The following ANKRD40 variants were observed in gnomAD, a reference collection of about 807,000 sequenced individuals.
ANKRD40 encodes ankyrin repeat domain-containing protein 40.
ANKRD40 carries 24 observed loss-of-function variants against 35.5 expected under a neutral mutation model. That is an observed-to-expected ratio of 0.68 (90% CI 0.49 to 0.95). The LOEUF (loss-of-function observed/expected upper bound fraction) is 0.95, where lower values mean the gene tolerates loss of function less well. Among genes scored for constraint, ANKRD40 ranks in the 40% least tolerant of loss-of-function variants. ANKRD40 has a pLI of 0.00. For synonymous variants in ANKRD40, 147 were observed against 173.5 expected (o/e 0.85, Z 1.20); for missense variants, 361 against 436.0 (o/e 0.83, Z 1.53).
chr17:50,693,860 G>A lies in ANKRD40; in HGVS notation c.*2137C>T, dbSNP rs1037461819. The stretch of plus-strand genomic sequence containing the variant: ...AAACACAAGGGAGGGGCTGGGCCGG[G>A]TGGCTCACACCTGTAATCGGAGCAC... On this transcript the variant is annotated 3_prime_UTR_variant, in exon 5 of 5. Coordinates refer to ENST00000285243, the MANE Select transcript of ANKRD40 (RefSeq NM_052855.4). 2.6e-5 allele frequency: 4 copies of A among 152,118 alleles called. No individual in the cohort carries two copies. The highest frequency in any genetic ancestry group is 5.9e-5 in the Non-Finnish European group (4 of 68,046). 9.4% of individuals were successfully genotyped at this position (152,118 alleles called of 1,614,324 possible). A position where few individuals can be genotyped will look rare whatever the true frequency, so the allele number is the denominator to read the frequency against.
Position 50,707,476 on chromosome 17 carries a change from C to A in ANKRD40, c.134+45G>T. ...GTCGCGACTGACTGCCCCACGCCTT[C>A]CGACCGGCTGCCCTGACCCTAGGCC... On this transcript the variant is annotated intron_variant, in intron 1 of 4. Transcript: ENST00000285243. This position sits in a 1 kb window ranked among gnomAD's most constrained non-coding sequence, Gnocchi z 4.8. 1 of 1,583,094 alleles carries A rather than the reference C, an allele frequency of 6.3e-7. No individual in the cohort carries two copies. The highest frequency in any genetic ancestry group is 8.6e-7 in the Non-Finnish European group (1 of 1,165,344).
Position 50,707,594 on chromosome 17 carries a change from C to G in ANKRD40, c.61G>C (p.Gly21Arg). 6.2e-7 allele frequency: 1 copy of G among 1,605,716 alleles called. No individual in the cohort carries two copies. ...AGTTTCTGCACCTCCCGAATGTCCC[C>G]TAAGGCCGCGGCCTCCCGCAGCCTC... is the stretch of plus-strand genomic sequence containing the variant. ...QERLREAAAL[G>R]DIREVQKLVE... Residue 21 changes from glycine to arginine, a missense_variant, in exon 1 of 5, where the codon GGG (glycine) becomes CGG (arginine). Gly to Arg is a moderately radical substitution (Grantham distance 125). Coordinates refer to ENST00000285243, the MANE Select transcript of ANKRD40 (RefSeq NM_052855.4). This position sits in a 1 kb window ranked among gnomAD's most constrained non-coding sequence, Gnocchi z 4.8.
At position 50,695,171 on chromosome 17, in the gene ANKRD40, A is replaced by G. The variant is rs1968182258; in HGVS notation, c.*826T>C. On this transcript the variant is annotated 3_prime_UTR_variant, in exon 5 of 5. Transcript: ENST00000285243. ...CATCACTTAAGGCCAGAAGTTTGAG[A>G]CCAGCCTGGGCCACATAGTGAGACC... is the stretch of plus-strand genomic sequence containing the variant. The G allele has an allele frequency of 7.5e-6, 1 of 133,892 alleles. No individual in the cohort carries two copies. The highest frequency in any genetic ancestry group is 1.6e-5 in the Non-Finnish European group (1 of 63,976). The allele number at this position is 133,892 out of a possible 1,614,324, so 8.3% of individuals were successfully genotyped here.
intron 2 of ANKRD40, 198 bp downstream of exon 2, chr17:50,700,370 G>A: frequency 2.1e-6 from 1 of 478,380 alleles, no homozygotes; most frequent in Non-Finnish European, 3.6e-6. Flanking sequence ...TTGAACCTGG[G>A]AGGCAGAGGT....
rs1352404807 is a variant in ANKRD40, at chr17:50,693,634, G to C, written c.*2363C>G. On this transcript the variant is annotated 3_prime_UTR_variant, in exon 5 of 5. Transcript: ENST00000285243. Reference sequence around the variant, plus strand: ...CTGCTCCTCTGGAGGCCATCTCCCAGCCAGGGGCTCCACTGCTCCACTTTA... The same window carrying C: ...CTGCTCCTCTGGAGGCCATCTCCCACCCAGGGGCTCCACTGCTCCACTTTA... The C allele has an allele frequency of 6.6e-6, 1 of 152,244 alleles. No individual in the cohort carries two copies. Among genetic ancestry groups the C allele is most frequent in the Admixed American group, 6.5e-5 (1 of 15,286 alleles). The allele number at this position is 152,244 out of a possible 1,614,324, so 9.4% of individuals were successfully genotyped here. A position where few individuals can be genotyped will look rare whatever the true frequency, so the allele number is the denominator to read the frequency against.
At position 50,700,062 on chromosome 17, in the gene ANKRD40, T is replaced by C. The variant is rs569194211; in HGVS notation, c.284-169A>G. Among the ~76,000 whole-genome samples, 3 of 152,262 alleles carry C rather than the reference T, an allele frequency of 2.0e-5. No homozygotes were observed. The South Asian group carries it at 6.2e-4, about 32-fold the overall frequency. ...TACCATTTTTATCATTATCTTAAAT[T>C]TTACAAATAAAAAAATAAAACCTTA... On this transcript the variant is annotated intron_variant, in intron 2 of 4. Transcript: ENST00000285243.
rs140413404 is a variant in ANKRD40 at position 50,702,203 on chromosome 17, G to A, written c.135-1487C>T. Among the ~76,000 whole-genome samples, 19 of 152,284 alleles carry A rather than the reference G, an allele frequency of 1.2e-4. No individual in the cohort carries two copies. In the East Asian group the frequency reaches 3.1e-3, roughly 25 times the overall value. ...GTGGATCACTTTAGGTCGGGAGTTTGAGACCAGCCTGCCCAATAGGGTGAA... is the reference window on the plus strand; with the variant it reads ...GTGGATCACTTTAGGTCGGGAGTTTAAGACCAGCCTGCCCAATAGGGTGAA... On this transcript the variant is annotated intron_variant, in intron 1 of 4. Coordinates refer to ENST00000285243, the MANE Select transcript of ANKRD40 (RefSeq NM_052855.4).
At chr17:50,700,035 AT>A in intron 2 of ANKRD40, 142 bp from the exon 3 acceptor site, 1 of 757,440 alleles carries the variant, frequency 1.3e-6, no homozygotes, top group Non-Finnish European at 1.9e-6. Context: ...TAGGTTTATG[AT>A]TACCATTTTT....
chr17:50,703,697 A>G (rs959917890), intron 1 of ANKRD40, among the ~76,000 whole-genome samples: 1 of 152,188 alleles, frequency 6.6e-6, no homozygotes, highest in East Asian at 1.9e-4. Flanking sequence ...GGCAAATCCC[A>G]TGAGATTAGC....
chr17:50,707,749 C>T lies in ANKRD40; in HGVS notation c.-95G>A. 4 of 954,756 alleles carry T rather than the reference C, an allele frequency of 4.2e-6. No homozygotes were observed. The highest frequency in any genetic ancestry group is 5.2e-6 in the Non-Finnish European group (4 of 769,406). The allele number at this position is 954,756 out of a possible 1,614,324, so 59.1% of individuals were successfully genotyped here. A position where few individuals can be genotyped will look rare whatever the true frequency, so the allele number is the denominator to read the frequency against. On this transcript the variant is annotated 5_prime_UTR_variant, in exon 1 of 5. It removes an upstream start codon present in the reference 5' UTR. Transcript: ENST00000285243. This position sits in a 1 kb window ranked among gnomAD's most constrained non-coding sequence, Gnocchi z 4.8. ...GCCGTCGCCGCGGCCCGCTCCCGGC[C>T]ATGGGGAGGGAGCGCGGAACTCGCC... is the stretch of plus-strand genomic sequence containing the variant.
At chr17:50,698,867 C>T (rs1029241725) in intron 3 of ANKRD40, among the ~76,000 whole-genome samples, 6 of 150,914 alleles carry the variant, frequency 4.0e-5, no homozygotes, top group South Asian at 2.1e-4. Flanking sequence ...CAGCTGGGTG[C>T]GGTGATTCAC....
At position 50,707,259 on chromosome 17, in the gene ANKRD40, GC is replaced by G. The variant is rs377393265; in HGVS notation, c.134+261del. ...CGCTCTGACCAAGTGAGCCGGGAGC[GC>G]GGGGGAAGGGGGTAGGGCACCAGAG... On this transcript the variant is annotated intron_variant, in intron 1 of 4. Transcript: ENST00000285243. This position sits in a 1 kb window ranked among gnomAD's most constrained non-coding sequence, Gnocchi z 4.8. Among the ~76,000 whole-genome samples the G allele has an allele frequency of 2.7e-3, 413 of 152,292 alleles. 2 individuals are homozygous for G. The highest frequency in any genetic ancestry group is 9.6e-3 in the African/African-American group (400 of 41,572).
chr17:50,701,843 T>C (rs901727145), intron 1 of ANKRD40, among the ~76,000 whole-genome samples: 1 of 152,188 alleles, frequency 6.6e-6, no homozygotes, highest in Non-Finnish European at 1.5e-5. Context: ...AAAAAGCTGA[T>C]TTGCCCTGGG....
intron 1 of ANKRD40, among the ~76,000 whole-genome samples, chr17:50,704,242 C>T (rs529102999): frequency 6.6e-6 from 1 of 151,998 alleles, no homozygotes; most frequent in African/African-American, 2.4e-5. Flanking sequence ...AGGCCGGGCG[C>T]GGTGGCTCAC....
intron 4 of ANKRD40, 155 bp downstream of exon 4, chr17:50,696,765 AAAAAAAGCCAGTGTCCCTAT>A: frequency 1.9e-6 from 1 of 534,072 alleles, no homozygotes; most frequent in Non-Finnish European, 2.9e-6. Context: ...CCAAAAAAAA[AAAAAAAGCCAGTGTCCCTAT>A]AGACTCAGTA....
At chr17:50,702,963 C>G (rs35039709) in intron 1 of ANKRD40, among the ~76,000 whole-genome samples, 44,264 of 152,130 alleles carry the variant, frequency 0.29, 7,700 homozygotes, top group South Asian at 0.47. Context: ...TGATAGATTA[C>G]TCTATCTTTG....
At position 50,702,544 on chromosome 17, in the gene ANKRD40, G is replaced by C. The variant is rs781245276; in HGVS notation, c.135-1828C>G. Among the ~76,000 whole-genome samples, 100 of 152,114 alleles carry C rather than the reference G, an allele frequency of 6.6e-4. 2 individuals carry two copies. Among genetic ancestry groups the C allele is most frequent in the Non-Finnish European group, 1.5e-4 (10 of 68,028 alleles). Reference sequence around the variant, plus strand: ...GATGTCTGTGGCACAGGCTTAAAAAGTGAACAATTATAATGATAAGTGAGC... The same window carrying C: ...GATGTCTGTGGCACAGGCTTAAAAACTGAACAATTATAATGATAAGTGAGC... On this transcript the variant is annotated intron_variant, in intron 1 of 4. Coordinates refer to ENST00000285243, the MANE Select transcript of ANKRD40 (RefSeq NM_052855.4).
chr17:50,697,381 C>T (rs1230311752), intron 3 of ANKRD40, among the ~76,000 whole-genome samples: 1 of 152,202 alleles, frequency 6.6e-6, no homozygotes. Flanking sequence ...CAGGGGAAAC[C>T]ATTCCAGCTA....
intron 3 of ANKRD40, 50 bp downstream of exon 3, chr17:50,699,349 C>G: frequency 6.3e-7 from 1 of 1,590,548 alleles, no homozygotes; most frequent in Non-Finnish European, 8.6e-7. Flanking sequence ...TCCCACCCCT[C>G]TGGACACCAA....
Sources: allele counts gnomAD v4.1 joint callset (sites outside exome capture counted in the v4.1 genomes callset), GRCh38; gene constraint gnomAD v4.1.1; non-coding constraint Gnocchi (gnomAD v3.1); transcripts MANE v1.5; gene names NCBI Gene and HGNC (gene_info 2026-07-23, HGNC 2026-07-21).